Variants in FAP observed in about 807,000 individuals in gnomAD.
FAP encodes prolyl endopeptidase FAP.
In FAP, 110 loss-of-function variants were observed where a neutral mutation model predicts 126.5. The ratio of observed to expected loss-of-function variants is 0.87; its 90% CI spans 0.74 to 1.02. FAP has a LOEUF of 1.02. Among genes scored for constraint, FAP ranks in the 50% least tolerant of loss-of-function variants. The probability of loss-of-function intolerance (pLI) is 0.00; values close to 1 mark genes in which losing one functional copy is unlikely to be tolerated. For synonymous variants in FAP, 334 were observed against 297.3 expected (o/e 1.12, Z -1.27); for missense variants, 919 against 909.2 (o/e 1.01, Z -0.14).
chr2:162,194,278 A>ACACG (rs1688156594), intron 17 of FAP: 1 of 153,398 alleles, frequency 6.5e-6, no homozygotes, highest in Non-Finnish European at 1.4e-5. Context: ...GTTACCACAC[A>ACACG]CACACACACA....
chr2:162,194,958 T>C, intron 16 of FAP: 3 of 572,084 alleles, frequency 5.2e-6, no homozygotes, highest in Non-Finnish European at 9.4e-6. Flanking sequence ...AGAACAGCTG[T>C]GAAAGAAGCC....
intron 25 of FAP, chr2:162,172,374 A>T: frequency 6.3e-6 from 1 of 159,448 alleles, no homozygotes; most frequent in East Asian, 1.8e-4. Flanking sequence ...AAAGTTCTCT[A>T]ACCACAAATG....
rs750530451 is a variant in FAP, at chr2:162,225,595, A to T, written c.191-18T>A. On this transcript the variant is annotated intron_variant, in intron 3 of 25. Coordinates refer to ENST00000188790, the MANE Select transcript of FAP (RefSeq NM_004460.5). The stretch of plus-strand genomic sequence containing the variant: ...TTCTTGTCCTTTAAACAAGAAAGAA[A>T]ACAAAATGTAAATGATCTCTCTTAA... 6 of 1,569,954 alleles carry T rather than the reference A, an allele frequency of 3.8e-6. No individual in the cohort carries two copies. In the South Asian group the frequency reaches 4.7e-5, roughly 12 times the overall value.
At chr2:162,176,382 G>A (rs900480703) in intron 21 of FAP, 2 of 152,148 alleles carry the variant, frequency 1.3e-5, no homozygotes, top group Non-Finnish European at 2.9e-5. Flanking sequence ...GAATAAAAGA[G>A]GGGGCTCAGA....
At chr2:162,173,440 T>C (rs1687383550) in intron 23 of FAP, among the ~76,000 whole-genome samples, 1 of 152,090 alleles carries the variant, frequency 6.6e-6, no homozygotes, top group Admixed American at 6.6e-5. Context: ...ATATGTTACA[T>C]ATGAGTGAGA....
At chr2:162,219,396 C>G (rs927149649) in intron 7 of FAP, among the ~76,000 whole-genome samples, 1 of 152,106 alleles carries the variant, frequency 6.6e-6, no homozygotes, top group East Asian at 1.9e-4. Flanking sequence ...AAAAATAAAG[C>G]CTATTATTTT....
intron 14 of FAP, among the ~76,000 whole-genome samples, chr2:162,201,102 C>T (rs1688479937): frequency 1.3e-5 from 2 of 152,104 alleles, no homozygotes; most frequent in Non-Finnish European, 2.9e-5. Flanking sequence ...CAAAAGAAGT[C>T]ATAAGAGAAC....
rs373401636 is a variant in FAP, at chr2:162,203,104, C to T, written c.1089G>A (p.Ser363=). 25 of 1,613,136 alleles carry T rather than the reference C, an allele frequency of 1.5e-5. No individual in the cohort carries two copies. The highest frequency in any genetic ancestry group is 1.2e-4 in the Admixed American group (7 of 59,960). The change falls in exon 13 of 26, where the codon TCG becomes TCA. Residue 363 remains serine (S), a synonymous_variant. Coordinates refer to ENST00000188790, the MANE Select transcript of FAP (RefSeq NM_004460.5). Reference sequence around the variant, plus strand: ...CCTTGTCACTAAATATTTTGTAGTACGAAATGGCATCATAGCTGAAAACTG... The same window carrying T: ...CCTTGTCACTAAATATTTTGTAGTATGAAATGGCATCATAGCTGAAAACTG... ...STPVFSYDAI[S]YYKIFSDKDG...
At chr2:162,177,007 G>A (rs190515720) in intron 21 of FAP, among the ~76,000 whole-genome samples, 1 of 152,164 alleles carries the variant, frequency 6.6e-6, no homozygotes, top group African/African-American at 2.4e-5. Context: ...AAATTCTCGG[G>A]CAGCTTGGAA....
At chr2:162,194,915 T>C in intron 16 of FAP, 167 bp from the exon 17 acceptor site, 1 of 641,708 alleles carries the variant, frequency 1.6e-6, no homozygotes, top group South Asian at 1.8e-5. Context: ...CTAAGTCACA[T>C]TTAAACAATA....
chr2:162,231,289 G>A (rs1689892934), intron 2 of FAP, among the ~76,000 whole-genome samples: 1 of 152,106 alleles, frequency 6.6e-6, no homozygotes, highest in African/African-American at 2.4e-5. Flanking sequence ...TAGTCACCCA[G>A]AAAATATTCC....
intron 12 of FAP, among the ~76,000 whole-genome samples, chr2:162,206,886 A>G (rs138466720): frequency 6.6e-6 from 1 of 152,360 alleles, no homozygotes; most frequent in East Asian, 1.9e-4. Context: ...TGCAACTAAC[A>G]GATCATTTAC....
At chr2:162,203,377 C>A (rs1472233769) in intron 12 of FAP, among the ~76,000 whole-genome samples, 3 of 152,116 alleles carry the variant, frequency 2.0e-5, no homozygotes, top group Non-Finnish European at 2.9e-5. Flanking sequence ...CTACTGCATA[C>A]CCCTGGATTT....
In FAP at chr2:162,188,274, G is replaced by T. The variant is rs746078683; in HGVS notation, c.1709C>A (p.Ala570Asp). The T allele has an allele frequency of 1.9e-6, 3 of 1,613,212 alleles. No homozygotes were observed. Among genetic ancestry groups the T allele is most frequent in the Non-Finnish European group, 2.5e-6 (3 of 1,179,488 alleles). The change falls in exon 20 of 26, where the codon GCC (alanine) becomes GAC (aspartate). Residue 570 changes from alanine to aspartate, a missense_variant. Physicochemically the swap from Ala to Asp is moderately radical, Grantham distance 126. Coordinates refer to ENST00000188790, the MANE Select transcript of FAP (RefSeq NM_004460.5). The stretch of plus-strand genomic sequence containing the variant: ...AGCTGTTCCTCGACCATCCACCAAG[G>T]CAATGACCATCCCTTCCTTACTTGC... Reference protein sequence around the residue: ...YLASKEGMVIALVDGRGTAFQ... With the variant: ...YLASKEGMVIDLVDGRGTAFQ...
intron 8 of FAP, 30 bp downstream of exon 8, chr2:162,219,033 C>A: frequency 6.5e-7 from 1 of 1,548,766 alleles, no homozygotes; most frequent in South Asian, 1.2e-5. Flanking sequence ...AAGCCTAAAG[C>A]ATTAGCAGTA....
chr2:162,178,515 T>C (rs1176575191), intron 21 of FAP, among the ~76,000 whole-genome samples: 1 of 152,144 alleles, frequency 6.6e-6, no homozygotes, highest in Non-Finnish European at 1.5e-5. Flanking sequence ...CGTTGTCAAA[T>C]GTCCCAAGGA....
At chr2:162,193,705 A>C (rs1359594799) in intron 17 of FAP, 4 of 152,172 alleles carry the variant, frequency 2.6e-5, no homozygotes, top group African/African-American at 9.7e-5. Flanking sequence ...CTTAAAATGA[A>C]ACTAAATTCA....
At chr2:162,185,739 C>G (rs1434796954) in intron 20 of FAP, among the ~76,000 whole-genome samples, 1 of 151,938 alleles carries the variant, frequency 6.6e-6, no homozygotes, top group African/African-American at 2.4e-5. Flanking sequence ...GTAAAAGATT[C>G]AGGGGAGAAA....
intron 21 of FAP, chr2:162,176,195 C>T (rs1687477450): frequency 6.6e-6 from 1 of 152,050 alleles, no homozygotes. Context: ...AGACATGGTG[C>T]TGGTAATAGG....
Sources: gnomAD v4.1 joint callset for allele counts (sites outside exome capture counted in the v4.1 genomes callset) on GRCh38, gnomAD v4.1.1 for gene constraint, MANE v1.5 for transcripts, NCBI Gene and HGNC (gene_info 2026-07-23, HGNC 2026-07-21) for gene names.